Variants in PRMT8 observed in about 807,000 individuals in gnomAD.
PRMT8 encodes protein arginine N-methyltransferase 8.
In PRMT8, 7 loss-of-function variants were observed where a neutral mutation model predicts 47.1. The ratio of observed to expected loss-of-function variants is 0.15; its 90% confidence interval spans 0.08 to 0.28. The LOEUF (loss-of-function observed/expected upper bound fraction) is 0.28. PRMT8 is among the 10% of genes least tolerant of loss of function. The pLI, the probability that PRMT8 is intolerant of heterozygous loss-of-function variation, is 1.00. For missense variants in PRMT8, 237 were observed against 505.4 expected (o/e 0.47, Z 5.09); for synonymous variants, 188 against 186.5 (o/e 1.01, Z -0.07).
At chr12:3,401,147 C>CAAAAA (rs34492092) in intron 1 of PRMT8, among the ~76,000 whole-genome samples, 56 of 45,536 alleles carry the variant, frequency 1.2e-3, no homozygotes, top group Middle Eastern at 0.019. Flanking sequence ...AACTCCATCT[C>CAAAAA]AAAAAAAAAA....
At chr12:3,539,348 C>A (rs554587756) in intron 1 of PRMT8, among the ~76,000 whole-genome samples, 14 of 152,280 alleles carry the variant, frequency 9.2e-5, no homozygotes, top group African/African-American at 3.1e-4. Context: ...CCAACAAGCG[C>A]TGGGTTTCAG....
chr12:3,548,585 T>C (rs1480200420), intron 2 of PRMT8, among the ~76,000 whole-genome samples: 2 of 151,760 alleles, frequency 1.3e-5, no homozygotes, highest in Non-Finnish European at 2.9e-5. Flanking sequence ...AAAAAAAAGA[T>C]CTACTTCAGT....
intron 1 of PRMT8, among the ~76,000 whole-genome samples, chr12:3,438,657 C>A (rs1486648797): frequency 6.6e-6 from 1 of 152,228 alleles, no homozygotes. Context: ...ATTAGGACCC[C>A]TCCGTCCATT....
intron 1 of PRMT8, among the ~76,000 whole-genome samples, chr12:3,412,236 AG>A (rs1334409575): frequency 2.0e-5 from 3 of 152,222 alleles, no homozygotes; most frequent in Non-Finnish European, 4.4e-5. Flanking sequence ...AACATCAAAA[AG>A]GTACAGTGAA....
chr12:3,558,765 G>A (rs553428779), intron 4 of PRMT8, among the ~76,000 whole-genome samples: 8 of 152,284 alleles, frequency 5.3e-5, no homozygotes, highest in African/African-American at 1.7e-4. Context: ...TTCTCATTGC[G>A]TACAATTTCG....
At chr12:3,463,660 G>C (rs1865061779) in intron 1 of PRMT8, 1 of 152,154 alleles carries the variant, frequency 6.6e-6, no homozygotes, top group Non-Finnish European at 1.5e-5. Flanking sequence ...GTGGTGTTGA[G>C]GTCATAGTTC....
At position 3,593,260 on chromosome 12, in the gene PRMT8, T is replaced by C; in HGVS notation, c.*78T>C. ...TGCCGTGCCGTCCCAAAGAATACCGTTTGCAGGACTACACACTTGAAAACC... is the reference window on the plus strand; with the variant it reads ...TGCCGTGCCGTCCCAAAGAATACCGCTTGCAGGACTACACACTTGAAAACC... On this transcript the variant is annotated 3_prime_UTR_variant, in exon 10 of 10. Transcript: ENST00000382622. This position sits in a 1 kb window ranked among gnomAD's most constrained non-coding sequence, Gnocchi z 4.8. 8.2e-7 allele frequency: 1 copy of C among 1,224,274 alleles called. No individual in the cohort carries two copies. The highest frequency in any genetic ancestry group is 1.2e-6 in the Non-Finnish European group (1 of 849,492). The allele number at this position is 1,224,274 out of a possible 1,614,324, so 75.8% of individuals were successfully genotyped here. A position where few individuals can be genotyped will look rare whatever the true frequency, so the allele number is the denominator to read the frequency against.
At chr12:3,579,312 C>T (rs1442652811) in intron 7 of PRMT8, among the ~76,000 whole-genome samples, 1 of 152,138 alleles carries the variant, frequency 6.6e-6, no homozygotes, top group African/African-American at 2.4e-5. Context: ...GCCCCATTGG[C>T]AGGTGTAGCC....
Position 3,580,113 on chromosome 12 carries a change from C to T in PRMT8, c.829-2945C>T, listed in dbSNP as rs4259894. 0.035 allele frequency among the ~76,000 whole-genome samples: 5,390 copies of T among 152,262 alleles called. 126 individuals are homozygous for T. The highest frequency in any genetic ancestry group is 0.11 in the Middle Eastern group (33 of 294). Reference sequence around the variant, plus strand: ...CTCACAGATGGCCTGGACCCCCATTCCAAAAGACCACCTGCCCTTATTGTT... The same window carrying T: ...CTCACAGATGGCCTGGACCCCCATTTCAAAAGACCACCTGCCCTTATTGTT... On this transcript the variant is annotated intron_variant, in intron 7 of 9. Coordinates refer to ENST00000382622, the MANE Select transcript of PRMT8 (RefSeq NM_019854.5). The surrounding 1 kb of genome is among the most constrained non-coding windows in gnomAD (Gnocchi z 4.6).
chr12:3,517,627 A>C (rs1050087037), intron 1 of PRMT8, among the ~76,000 whole-genome samples: 2 of 152,158 alleles, frequency 1.3e-5, no homozygotes, highest in Non-Finnish European at 2.9e-5. Context: ...AGAGGTGTGC[A>C]AGAAACCTCC....
At chr12:3,513,060 C>T (rs186798726) in intron 1 of PRMT8, among the ~76,000 whole-genome samples, 7 of 152,268 alleles carry the variant, frequency 4.6e-5, no homozygotes, top group Non-Finnish European at 1.0e-4. Flanking sequence ...AACTGCAACA[C>T]CGGGGATCAA....
intron 1 of PRMT8, among the ~76,000 whole-genome samples, chr12:3,507,915 C>T (rs1376423644): frequency 2.0e-5 from 3 of 151,990 alleles, no homozygotes; most frequent in South Asian, 2.1e-4. Context: ...TGTGCCACCA[C>T]GCCCTGCTAA....
Position 3,436,472 on chromosome 12 carries a change from T to G in PRMT8, c.48+55030T>G, listed in dbSNP as rs117168691. 4.1e-3 allele frequency among the ~76,000 whole-genome samples: 620 copies of G among 152,144 alleles called. 2 individuals carry two copies. Among genetic ancestry groups the G allele is most frequent in the Middle Eastern group, 6.8e-3 (2 of 294 alleles). On this transcript the variant is annotated intron_variant, in intron 1 of 9. Transcript: ENST00000452611. This position sits in a 1 kb window ranked among gnomAD's most constrained non-coding sequence, Gnocchi z 4.2. ...TCCCTCAGAACCCAGGTAGCTGCTT[T>G]CTTTCTTTCTTTTTTCTTTTTTTTT...
At chr12:3,428,838 C>G (rs1864638724) in intron 1 of PRMT8, among the ~76,000 whole-genome samples, 3 of 151,838 alleles carry the variant, frequency 2.0e-5, no homozygotes, top group South Asian at 2.1e-4. Context: ...CTGCCTCTCT[C>G]TATCTCTCTT....
chr12:3,454,475 G>T (rs887588534), intron 1 of PRMT8, among the ~76,000 whole-genome samples: 1 of 152,276 alleles, frequency 6.6e-6, no homozygotes, highest in African/African-American at 2.4e-5. Flanking sequence ...GGGGAGGGGG[G>T]TGTCTAGGAA....
At chr12:3,468,314 T>C (rs1865124120) in intron 1 of PRMT8, among the ~76,000 whole-genome samples, 1 of 152,174 alleles carries the variant, frequency 6.6e-6, no homozygotes, top group African/African-American at 2.4e-5. Flanking sequence ...GCAGCAGCCA[T>C]TCCCATCGGC....
chr12:3,425,122 C>T (rs1041295703), intron 1 of PRMT8, among the ~76,000 whole-genome samples: 3 of 152,298 alleles, frequency 2.0e-5, no homozygotes, highest in African/African-American at 7.2e-5. Flanking sequence ...TCTCTGATAC[C>T]GGGAGCAAGG....
chr12:3,400,511 TAATA>T (rs1156643574), intron 1 of PRMT8, among the ~76,000 whole-genome samples: 1 of 152,180 alleles, frequency 6.6e-6, no homozygotes, highest in Non-Finnish European at 1.5e-5. Flanking sequence ...ATTGAGGCAG[TAATA>T]AATAGCCTAC....
chr12:3,449,778 C>T (rs1304543505), intron 1 of PRMT8, among the ~76,000 whole-genome samples: 3 of 152,082 alleles, frequency 2.0e-5, no homozygotes, highest in Non-Finnish European at 4.4e-5. Flanking sequence ...TTGCTTTTGA[C>T]GTTTTTGTCA....
Sources: allele counts gnomAD v4.1 joint callset (sites outside exome capture counted in the v4.1 genomes callset), GRCh38; gene constraint gnomAD v4.1.1; non-coding constraint Gnocchi (gnomAD v3.1); transcripts MANE v1.5; gene names NCBI Gene and HGNC (gene_info 2026-07-23, HGNC 2026-07-21).